Variants in PIGL observed in about 807,000 individuals in gnomAD.
PIGL encodes N-acetylglucosaminyl-phosphatidylinositol de-N-acetylase.
In PIGL, 22 loss-of-function variants were observed where a neutral mutation model predicts 31.1. That is an observed-to-expected ratio of 0.71 (90% CI 0.51 to 1.01). The LOEUF (loss-of-function observed/expected upper bound fraction) is 1.01, where lower values mean the gene tolerates loss of function less well. PIGL is among the 50% of genes least tolerant of loss of function. PIGL has a pLI of 0.00. For synonymous variants in PIGL, 131 were observed against 117.4 expected (o/e 1.12, Z -0.75); for missense variants, 302 against 315.9 (o/e 0.96, Z 0.33).
intron 3 of PIGL, among the ~76,000 whole-genome samples, chr17:16,307,879 G>A (rs911534557): frequency 6.7e-6 from 1 of 149,516 alleles, no homozygotes; most frequent in Non-Finnish European, 1.5e-5. Context: ...AGGAAGACAG[G>A]ATTTCAAGGA....
At chr17:16,298,925 G>A (rs2092993461) in intron 2 of PIGL, among the ~76,000 whole-genome samples, 1 of 152,090 alleles carries the variant, frequency 6.6e-6, no homozygotes, top group Admixed American at 6.6e-5. Context: ...CTACTTGGGA[G>A]GCTGAGCAGG....
intron 2 of PIGL, among the ~76,000 whole-genome samples, chr17:16,234,372 A>G (rs1008645556): frequency 6.6e-6 from 1 of 152,036 alleles, no homozygotes; most frequent in Non-Finnish European, 1.5e-5. Flanking sequence ...ACTTGAACCC[A>G]GGAGTTGGAG....
At chr17:16,260,157 ACC>A (rs1445154899) in intron 2 of PIGL, among the ~76,000 whole-genome samples, 1 of 152,098 alleles carries the variant, frequency 6.6e-6, no homozygotes, top group African/African-American at 2.4e-5. Context: ...GCCTGCAGGC[ACC>A]CCTTGGCACA....
At chr17:16,297,453 C>G (rs1201164625) in intron 2 of PIGL, among the ~76,000 whole-genome samples, 1 of 152,222 alleles carries the variant, frequency 6.6e-6, no homozygotes, top group Non-Finnish European at 1.5e-5. Flanking sequence ...TATCCTTTCT[C>G]TCGTGTGCTA....
At chr17:16,285,186 T>C (rs2092932160) in intron 2 of PIGL, among the ~76,000 whole-genome samples, 1 of 152,208 alleles carries the variant, frequency 6.6e-6, no homozygotes, top group Non-Finnish European at 1.5e-5. Context: ...CTTTATTTGT[T>C]GCAATAATAT....
At chr17:16,312,128 G>A (rs1170209158) in intron 3 of PIGL, among the ~76,000 whole-genome samples, 4 of 146,144 alleles carry the variant, frequency 2.7e-5, no homozygotes. Flanking sequence ...CTGGCCGGGC[G>A]GGGGCTGCCC....
chr17:16,303,455 C>G (rs1438679146), intron 3 of PIGL, among the ~76,000 whole-genome samples: 1 of 152,070 alleles, frequency 6.6e-6, no homozygotes, highest in Non-Finnish European at 1.5e-5. Context: ...AGTGAGTCGA[C>G]TTTTATTGTC....
intron 2 of PIGL, among the ~76,000 whole-genome samples, chr17:16,240,817 G>C (rs2092719565): frequency 6.6e-6 from 1 of 151,764 alleles, no homozygotes; most frequent in African/African-American, 2.4e-5. Flanking sequence ...TTATTTAAGA[G>C]GTAGAAATAG....
At chr17:16,230,627 T>G (rs1316136655) in intron 1 of PIGL, among the ~76,000 whole-genome samples, 1 of 152,014 alleles carries the variant, frequency 6.6e-6, no homozygotes, top group Non-Finnish European at 1.5e-5. Context: ...AATCACTTTT[T>G]TTTTTTTTTG....
chr17:16,303,873 C>A (rs113969309), intron 3 of PIGL, among the ~76,000 whole-genome samples: 2,992 of 152,216 alleles, frequency 0.02, 33 homozygotes, highest in Non-Finnish European at 0.029. Flanking sequence ...CGCCACCATG[C>A]TTGGCTAATT....
intron 1 of PIGL, among the ~76,000 whole-genome samples, chr17:16,220,493 T>A (rs1317710384): frequency 1.5e-4 from 21 of 140,994 alleles, no homozygotes; most frequent in South Asian, 4.8e-4. Context: ...TTTTTTTTTT[T>A]TTTTTTTTTT....
chr17:16,217,240 G>T lies in PIGL; in HGVS notation c.14G>T (p.Trp5Leu), dbSNP rs754743557. ...TGCTTACCCATCATGGAAGCAATGT[G>T]GCTCCTGTGTGTGGCGTTGGCGGTC... MEAM[W>L]LLCVALAVLA... Residue 5 changes from tryptophan (W) to leucine (L), a missense_variant, in exon 1 of 7, where the codon TGG (tryptophan) becomes TTG (leucine). Coordinates refer to ENST00000225609, the MANE Select transcript of PIGL (RefSeq NM_004278.4). The T allele has an allele frequency of 6.2e-7, 1 of 1,614,148 alleles. No homozygotes were observed. The highest frequency in any genetic ancestry group is 1.1e-5 in the South Asian group (1 of 91,086).
chr17:16,271,820 G>C (rs1186899885), intron 2 of PIGL, among the ~76,000 whole-genome samples: 6 of 152,170 alleles, frequency 3.9e-5, no homozygotes, highest in Admixed American at 3.3e-4. Flanking sequence ...GTGAACCACT[G>C]TGCCCGGCCA....
At chr17:16,221,418 T>A (rs1419598060) in intron 1 of PIGL, among the ~76,000 whole-genome samples, 2 of 151,272 alleles carry the variant, frequency 1.3e-5, no homozygotes, top group South Asian at 2.1e-4. Flanking sequence ...CTACCAATAG[T>A]TGAGACTATA....
chr17:16,292,116 C>T (rs1568827329), intron 2 of PIGL, among the ~76,000 whole-genome samples: 8 of 144,382 alleles, frequency 5.5e-5, no homozygotes, highest in Middle Eastern at 8.0e-3. Flanking sequence ...CTCACTGCAA[C>T]CTCCATCTCC....
intron 2 of PIGL, among the ~76,000 whole-genome samples, chr17:16,292,689 T>G (rs1333584827): frequency 1.3e-5 from 2 of 152,190 alleles, no homozygotes; most frequent in Non-Finnish European, 2.9e-5. Flanking sequence ...AAATGAGAAT[T>G]TGGCTTTGCT....
chr17:16,256,455 G>A (rs761295608), intron 2 of PIGL, among the ~76,000 whole-genome samples: 3 of 152,030 alleles, frequency 2.0e-5, no homozygotes, highest in Non-Finnish European at 2.9e-5. Context: ...AGCTTCAAGC[G>A]ATTCCTCTGC....
At chr17:16,224,470 C>T (rs2092643158) in intron 1 of PIGL, among the ~76,000 whole-genome samples, 2 of 151,688 alleles carry the variant, frequency 1.3e-5, no homozygotes, top group Non-Finnish European at 2.9e-5. Context: ...CCACGCCCAG[C>T]TAATTTTTGT....
At chr17:16,261,300 G>A (rs1264948087) in intron 2 of PIGL, among the ~76,000 whole-genome samples, 1 of 152,140 alleles carries the variant, frequency 6.6e-6, no homozygotes, top group Non-Finnish European at 1.5e-5. Flanking sequence ...CAATACTCAG[G>A]CAGAAGGCAT....
Sources: gnomAD v4.1 joint callset for allele counts (sites outside exome capture counted in the v4.1 genomes callset) on GRCh38, gnomAD v4.1.1 for gene constraint, MANE v1.5 for transcripts, NCBI Gene and HGNC (gene_info 2026-07-23, HGNC 2026-07-21) for gene names.